DNAH12: variants seen among roughly 807,000 people sequenced by gnomAD.
DNAH12 encodes axonemal beta dynein heavy chain 12.
Under a neutral mutation model 371.5 loss-of-function variants are expected in DNAH12, and 285 were observed. The ratio of observed to expected loss-of-function variants is 0.77; its 90% CI spans 0.70 to 0.85. The LOEUF (loss-of-function observed/expected upper bound fraction) is 0.85, where lower values mean the gene tolerates loss of function less well. DNAH12 is among the 40% of genes least tolerant of loss of function. DNAH12 has a pLI of 0.00. For missense variants in DNAH12, 3,611 were observed against 3,689.4 expected (o/e 0.98, Z 0.55); for synonymous variants, 1,200 against 1,213.0 (o/e 0.99, Z 0.22).
chr3:57,550,682 T>C, the DNAH12 span, among the ~76,000 whole-genome samples: 2 of 148,794 alleles, frequency 1.3e-5, no homozygotes, highest in Non-Finnish European at 3.0e-5. Flanking sequence ...CCAGCTAAAT[T>C]TTTTTTTTTT....
At chr3:57,520,722 T>TG (rs1344161972) in intron 4 of DNAH12, among the ~76,000 whole-genome samples, 4 of 152,148 alleles carry the variant, frequency 2.6e-5, no homozygotes, top group Non-Finnish European at 4.4e-5. Flanking sequence ...ATTACAGGTG[T>TG]GAGCACCCGG....
At chr3:57,431,703 A>G (rs920637616) in intron 32 of DNAH12, among the ~76,000 whole-genome samples, 4 of 152,172 alleles carry the variant, frequency 2.6e-5, no homozygotes, top group African/African-American at 4.8e-5. Context: ...ACTGGTAGAG[A>G]GTACCTCACA....
intron 60 of DNAH12, among the ~76,000 whole-genome samples, chr3:57,335,844 A>G (rs1403511): frequency 0.32 from 48,869 of 152,012 alleles, 8,705 homozygotes; most frequent in African/African-American, 0.46. Context: ...CACAAGACTA[A>G]GAAATATAAG....
At chr3:57,350,228 C>T (rs1053632975) in intron 60 of DNAH12, among the ~76,000 whole-genome samples, 1 of 152,038 alleles carries the variant, frequency 6.6e-6, no homozygotes, top group South Asian at 2.1e-4. Flanking sequence ...CAGAAATCAC[C>T]ACTAAAGAAC....
rs554172540 is a variant in DNAH12, at chr3:57,339,139, G to A, written c.9675-4199C>T. Among the ~76,000 whole-genome samples, 352 of 152,204 alleles carry A rather than the reference G, an allele frequency of 2.3e-3. 1 individual carries two copies. Among genetic ancestry groups the A allele is most frequent in the Non-Finnish European group, 2.5e-3 (169 of 68,008 alleles). On this transcript the variant is annotated intron_variant, in intron 60 of 73. Coordinates refer to ENST00000495027, the MANE Select transcript of DNAH12 (RefSeq NM_001366028.2). Reference sequence around the variant, plus strand: ...ACTCAGGGTTAAATGGATTAAGGGCGGTGCAAGATGTGCTTTGTTAAACAG... The same window carrying A: ...ACTCAGGGTTAAATGGATTAAGGGCAGTGCAAGATGTGCTTTGTTAAACAG...
intron 60 of DNAH12, among the ~76,000 whole-genome samples, chr3:57,339,132 T>C (rs146785835): frequency 0.024 from 3,605 of 152,254 alleles, 65 homozygotes; most frequent in Admixed American, 0.035. Flanking sequence ...TTAAATGGAT[T>C]AAGGGCGGTG....
intron 60 of DNAH12, among the ~76,000 whole-genome samples, chr3:57,345,262 T>C (rs2062510975): frequency 6.6e-6 from 1 of 152,192 alleles, no homozygotes; most frequent in Non-Finnish European, 1.5e-5. Flanking sequence ...TTCCATTTTT[T>C]CTTGTAAAGT....
intron 45 of DNAH12, among the ~76,000 whole-genome samples, chr3:57,389,455 A>G (rs1018879747): frequency 3.9e-5 from 6 of 152,226 alleles, no homozygotes; most frequent in Non-Finnish European, 5.9e-5. Flanking sequence ...TTCATTTAGA[A>G]GCTCAACTAT....
At chr3:57,448,593 A>G (rs946037149) in intron 25 of DNAH12, among the ~76,000 whole-genome samples, 13 of 152,242 alleles carry the variant, frequency 8.5e-5, no homozygotes, top group Admixed American at 1.3e-4. Flanking sequence ...AAGCTTCCAC[A>G]GCGTGGAATA....
Position 57,352,022 on chromosome 3 carries a change from C to G in DNAH12, c.9674+63G>C, listed in dbSNP as rs2062687556. On this transcript the variant is annotated intron_variant, in intron 60 of 73. Coordinates refer to ENST00000495027, the MANE Select transcript of DNAH12 (RefSeq NM_001366028.2). ...AGACTTCTGTGAGAAGACATATTCA[C>G]AGATTTGATTTTCCAGGGAGGTTTT... is the stretch of plus-strand genomic sequence containing the variant. The G allele has an allele frequency of 3.5e-5, 50 of 1,428,756 alleles. No homozygotes were observed. The South Asian group carries it at 6.1e-4, about 17-fold the overall frequency. The allele number at this position is 1,428,756 out of a possible 1,614,324, so 88.5% of individuals were successfully genotyped here.
At chr3:57,385,511 A>G (rs1384727908) in intron 47 of DNAH12, 82 bp from the exon 48 acceptor site, 1 of 152,236 alleles carries the variant, frequency 6.6e-6, no homozygotes, top group Non-Finnish European at 1.5e-5. Flanking sequence ...AGAAATTTAA[A>G]TGTATCCATA....
intron 60 of DNAH12, among the ~76,000 whole-genome samples, chr3:57,350,948 CA>C (rs2062657319): frequency 1.3e-5 from 2 of 151,972 alleles, no homozygotes. Flanking sequence ...TATCACATAC[CA>C]AAACAGATTT....
chr3:57,430,577 A>G (rs1209641816), intron 32 of DNAH12, among the ~76,000 whole-genome samples: 1 of 152,032 alleles, frequency 6.6e-6, no homozygotes, highest in Non-Finnish European at 1.5e-5. Flanking sequence ...CTTTCCCTCA[A>G]ATTTCTGTCT....
At chr3:57,422,187 A>C (rs2064608605) in intron 35 of DNAH12, among the ~76,000 whole-genome samples, 1 of 151,886 alleles carries the variant, frequency 6.6e-6, no homozygotes, top group Non-Finnish European at 1.5e-5. Flanking sequence ...TGCTAGGATT[A>C]CAGGCATAAG....
intron 60 of DNAH12, among the ~76,000 whole-genome samples, chr3:57,345,370 A>C (rs2062514012): frequency 6.6e-6 from 1 of 152,198 alleles, no homozygotes; most frequent in African/African-American, 2.4e-5. Flanking sequence ...AAATATTAGC[A>C]GATCAAATCC....
intron 2 of DNAH12, among the ~76,000 whole-genome samples, chr3:57,527,479 C>A (rs879568421): frequency 2.6e-5 from 4 of 152,144 alleles, no homozygotes; most frequent in Non-Finnish European, 5.9e-5. Context: ...CCTCAGGAAG[C>A]TTATAATCAT....
chr3:57,410,339 G>A lies in DNAH12; in HGVS notation c.6021-1804C>T, dbSNP rs149012832. ...TTTTATATCTGGTATGGTGATCTGC[G>A]ATCTTTGATGTTACTATTGTAATTG... On this transcript the variant is annotated intron_variant, in intron 39 of 73. Transcript: ENST00000495027. 1.8e-4 allele frequency among the ~76,000 whole-genome samples: 28 copies of A among 151,932 alleles called. No homozygotes were observed. In the East Asian group the frequency reaches 5.0e-3, roughly 27 times the overall value.
intron 62 of DNAH12, among the ~76,000 whole-genome samples, chr3:57,331,192 T>C (rs1188125459): frequency 1.3e-5 from 2 of 152,154 alleles, no homozygotes; most frequent in African/African-American, 4.8e-5. Flanking sequence ...GTAAGGGCTA[T>C]GGTATATAAG....
chr3:57,437,446 A>G (rs2065164034), intron 29 of DNAH12, among the ~76,000 whole-genome samples: 1 of 152,236 alleles, frequency 6.6e-6, no homozygotes, highest in African/African-American at 2.4e-5. Context: ...AAATTTAAAC[A>G]CATAGAAGTA....
Sources: gnomAD v4.1 joint callset for allele counts (sites outside exome capture counted in the v4.1 genomes callset) on GRCh38, gnomAD v4.1.1 for gene constraint, MANE v1.5 for transcripts, NCBI Gene and HGNC (gene_info 2026-07-23, HGNC 2026-07-21) for gene names.